NAA60: variants seen among roughly 807,000 people sequenced by gnomAD.
NAA60 encodes the protein N-alpha-acetyltransferase 60.
A neutral mutation model predicts 26.1 loss-of-function variants in NAA60; 8 were observed. The observed-to-expected ratio is 0.31, with a 90% confidence interval of 0.18 to 0.55. The LOEUF is 0.55. NAA60 is among the 20% of genes least tolerant of loss of function. The pLI is 0.93. For missense variants in NAA60, 290 were observed against 311.3 expected, an observed-to-expected ratio of 0.93 and a Z score of 0.51; for synonymous variants, 131 against 122.5, an observed-to-expected ratio of 1.07 and a Z score of -0.46.
At position 3,468,915 on chromosome 16, in the gene NAA60, G is replaced by C. The variant is rs116120759; in HGVS notation, c.-6-7307G>C. ...TTGGCCTGACAAGGCCAACAACCTT[G>C]TCTCTACTACAAATACAAAAATTAC... On this transcript the variant is annotated intron_variant, in intron 2 of 7. Coordinates refer to ENST00000407558, the MANE Select transcript of NAA60 (RefSeq NM_001083601.3). Among the ~76,000 whole-genome samples the C allele has an allele frequency of 3.9e-3, 597 of 152,194 alleles. 3 individuals are homozygous for C. Among genetic ancestry groups the C allele is most frequent in the African/African-American group, 0.014 (566 of 41,530 alleles).
chr16:3,455,018 G>A (rs558227868), intron 2 of NAA60, among the ~76,000 whole-genome samples: 12 of 152,182 alleles, frequency 7.9e-5, no homozygotes, highest in African/African-American at 1.4e-4. Flanking sequence ...CACATAAGCC[G>A]TGGAGAAATA....
intron 2 of NAA60, chr16:3,457,987 T>C (rs2035089063): frequency 2.5e-5 from 25 of 984,924 alleles, no homozygotes; most frequent in South Asian, 4.7e-5. Flanking sequence ...CGGCGGCCAA[T>C]GGGCTTCCGG....
chr16:3,468,422 C>T (rs12185143), intron 2 of NAA60, among the ~76,000 whole-genome samples: 9,356 of 152,272 alleles, frequency 0.061, 379 homozygotes, highest in Admixed American at 0.084. Context: ...TCCTGCCTCA[C>T]AGTGATGTTG....
At chr16:3,470,272 C>T (rs1456817505) in intron 2 of NAA60, among the ~76,000 whole-genome samples, 1 of 152,198 alleles carries the variant, frequency 6.6e-6, no homozygotes, top group African/African-American at 2.4e-5. Flanking sequence ...GGAGCAGCTT[C>T]CCACCAGGCC....
chr16:3,462,086 C>CA (rs1228233879), intron 2 of NAA60, among the ~76,000 whole-genome samples: 1,924 of 76,702 alleles, frequency 0.025, 45 homozygotes, highest in Non-Finnish European at 0.027. Context: ...GACCTTATAT[C>CA]AAAAAAAAAA....
At chr16:3,455,166 C>T (rs1324801624) in intron 2 of NAA60, among the ~76,000 whole-genome samples, 3 of 151,974 alleles carry the variant, frequency 2.0e-5, no homozygotes, top group Non-Finnish European at 4.4e-5. Flanking sequence ...ATTCTCATGT[C>T]TCAGACTCCC....
At chr16:3,476,541 G>A (rs555183836) in intron 3 of NAA60, among the ~76,000 whole-genome samples, 3 of 152,306 alleles carry the variant, frequency 2.0e-5, no homozygotes, top group African/African-American at 7.2e-5. Context: ...GGTGTGCAGA[G>A]TTCCCCAGAA....
chr16:3,485,717 T>C lies in NAA60; in HGVS notation c.*457T>C, dbSNP rs2037116787. The C allele has an allele frequency of 2.2e-6, 1 of 456,214 alleles. No individual in the cohort carries two copies. The highest frequency in any genetic ancestry group is 2.0e-5 in the African/African-American group (1 of 50,058). 28.3% of individuals were successfully genotyped at this position (456,214 alleles called of 1,614,324 possible). A position where few individuals can be genotyped will look rare whatever the true frequency, so the allele number is the denominator to read the frequency against. On this transcript the variant is annotated 3_prime_UTR_variant, in exon 8 of 8. Transcript: ENST00000407558. ...ACTTGACCGTAAAGGCACAGGAGCC[T>C]CGGAACAAGGGGGCGCAATAAAGGG...
chr16:3,456,295 C>G (rs2034991081), intron 2 of NAA60, among the ~76,000 whole-genome samples: 1 of 152,200 alleles, frequency 6.6e-6, no homozygotes, highest in Non-Finnish European at 1.5e-5. Flanking sequence ...AGCAAGCTCC[C>G]AGGTGATGCC....
At chr16:3,454,933 C>G (rs935651511) in intron 2 of NAA60, among the ~76,000 whole-genome samples, 1 of 152,212 alleles carries the variant, frequency 6.6e-6, no homozygotes, top group African/African-American at 2.4e-5. Context: ...CCTGTAGTGA[C>G]ACATGGTGCC....
chr16:3,482,817 G>GC (rs2036931175), intron 5 of NAA60: 2 of 586,996 alleles, frequency 3.4e-6, no homozygotes, highest in Non-Finnish European at 6.1e-6. Context: ...CTTTCCACAT[G>GC]CCCCCAGGCC....
chr16:3,479,627 T>G lies in NAA60; in HGVS notation c.240+27T>G, dbSNP rs577045698. 2.3e-5 allele frequency: 37 copies of G among 1,611,614 alleles called. No individual in the cohort carries two copies. In the East Asian group the frequency reaches 7.6e-4, roughly 33 times the overall value. ...TACGTACGTGTGTGCAGTGAGGACT[T>G]GGCAGTCACTGTCATTGGACGGGCC... is the stretch of plus-strand genomic sequence containing the variant. On this transcript the variant is annotated intron_variant, in intron 4 of 7. Transcript: ENST00000407558.
Position 3,485,926 on chromosome 16 carries a change from AGCACC to A in NAA60, c.*667_*671del. ...CGCATCAGGACGGTTCCTACTCCTC[AGCACC>A]TTCCGTGCAGTTACCAGTGCCCTGG... On this transcript the variant is annotated 3_prime_UTR_variant, in exon 8 of 8. Transcript: ENST00000407558. The A allele has an allele frequency of 2.9e-6, 1 of 339,872 alleles. No individual in the cohort carries two copies. The highest frequency in any genetic ancestry group is 5.8e-6 in the Non-Finnish European group (1 of 171,372). The allele number at this position is 339,872 out of a possible 1,614,324, so 21.1% of individuals were successfully genotyped here.
chr16:3,472,908 T>C (rs771947814), intron 2 of NAA60, among the ~76,000 whole-genome samples: 22 of 152,248 alleles, frequency 1.4e-4, no homozygotes, highest in Non-Finnish European at 2.9e-5. Flanking sequence ...ATATAAAATA[T>C]GGACTTTTTG....
chr16:3,450,774 T>A (rs2034752036), intron 2 of NAA60, among the ~76,000 whole-genome samples: 1 of 151,938 alleles, frequency 6.6e-6, no homozygotes, highest in Admixed American at 6.6e-5. Flanking sequence ...ATGAACTAGT[T>A]TGTTCCTTTG....
intron 1 of NAA60, among the ~76,000 whole-genome samples, chr16:3,448,120 G>A (rs1023529683): frequency 6.6e-6 from 1 of 151,936 alleles, no homozygotes; most frequent in Non-Finnish European, 1.5e-5. Context: ...AGAAAGGATG[G>A]GTTGGAGGCT....
rs1047804836 is a variant in NAA60 at position 3,485,718 on chromosome 16, C to T, written c.*458C>T. On this transcript the variant is annotated 3_prime_UTR_variant, in exon 8 of 8. Coordinates refer to ENST00000407558, the MANE Select transcript of NAA60 (RefSeq NM_001083601.3). ...CTTGACCGTAAAGGCACAGGAGCCT[C>T]GGAACAAGGGGGCGCAATAAAGGGA... 8.8e-6 allele frequency: 4 copies of T among 456,344 alleles called. No individual in the cohort carries two copies. Among genetic ancestry groups the T allele is most frequent in the East Asian group, 7.0e-5 (1 of 14,380 alleles). The allele number at this position is 456,344 out of a possible 1,614,324, so 28.3% of individuals were successfully genotyped here.
intron 1 of NAA60, among the ~76,000 whole-genome samples, chr16:3,445,274 C>CTTTTTTTTT (rs1452284919): frequency 8.0e-6 from 1 of 125,530 alleles, no homozygotes; most frequent in African/African-American, 3.5e-5. Flanking sequence ...TTGTGCTTAT[C>CTTTTTTTTT]TCTTTTTTTT....
chr16:3,458,985 G>C (rs928219778), intron 2 of NAA60, among the ~76,000 whole-genome samples: 14 of 152,164 alleles, frequency 9.2e-5, no homozygotes, highest in African/African-American at 3.4e-4. Context: ...ATCAGGCAAG[G>C]GGTACTCTGC....
Sources: gnomAD v4.1 joint callset for allele counts (sites outside exome capture counted in the v4.1 genomes callset) on GRCh38, gnomAD v4.1.1 for gene constraint, MANE v1.5 for transcripts, NCBI Gene and HGNC (gene_info 2026-07-23, HGNC 2026-07-21) for gene names.